Variants in LRRC8B observed in about 807,000 individuals in gnomAD.
LRRC8B encodes volume-regulated anion channel subunit LRRC8B.
Under a neutral mutation model 58.8 loss-of-function variants are expected in LRRC8B, and 23 were observed. The ratio of observed to expected loss-of-function variants is 0.39; its 90% CI spans 0.28 to 0.55. LRRC8B has a LOEUF of 0.55. Ranked by LOEUF, LRRC8B falls within the 20% of genes least tolerant of loss-of-function variation. The probability of loss-of-function intolerance (pLI) is 0.62; values close to 1 mark genes in which losing one functional copy is unlikely to be tolerated. For synonymous variants in LRRC8B, 359 were observed against 374.1 expected, an observed-to-expected ratio of 0.96 and a Z score of 0.47; for missense variants, 694 against 936.0, an observed-to-expected ratio of 0.74 and a Z score of 3.37.
At chr1:89,535,700 AAG>A (rs1000980049) in intron 1 of LRRC8B, among the ~76,000 whole-genome samples, 5 of 152,172 alleles carry the variant, frequency 3.3e-5, no homozygotes, top group African/African-American at 1.2e-4. Context: ...TAGATACAAA[AAG>A]AACATTAGTT....
intron 1 of LRRC8B, among the ~76,000 whole-genome samples, chr1:89,525,540 G>C (rs1471568537): frequency 6.6e-6 from 1 of 152,212 alleles, no homozygotes; most frequent in East Asian, 1.9e-4. Flanking sequence ...GATACGCGTT[G>C]GTTGCCTATA....
intron 3 of LRRC8B, among the ~76,000 whole-genome samples, chr1:89,569,796 T>C (rs1290234125): frequency 6.6e-6 from 1 of 152,148 alleles, no homozygotes; most frequent in Non-Finnish European, 1.5e-5. Context: ...TGGTACATAT[T>C]ATTTTATCAA....
At chr1:89,529,823 C>T (rs1448301161) in intron 1 of LRRC8B, among the ~76,000 whole-genome samples, 1 of 152,166 alleles carries the variant, frequency 6.6e-6, no homozygotes, top group Non-Finnish European at 1.5e-5. Context: ...GACCCACTCT[C>T]AGAAGCTAAA....
intron 3 of LRRC8B, among the ~76,000 whole-genome samples, chr1:89,577,873 G>T (rs546393690): frequency 1.2e-3 from 185 of 151,114 alleles, no homozygotes; most frequent in African/African-American, 4.2e-3. Flanking sequence ...TGGATGAGTT[G>T]GGAAAGAGCG....
At chr1:89,571,060 A>G (rs1004976206) in intron 3 of LRRC8B, among the ~76,000 whole-genome samples, 1 of 152,066 alleles carries the variant, frequency 6.6e-6, no homozygotes, top group Non-Finnish European at 1.5e-5. Context: ...ATTCTGTGCC[A>G]TTGGTCTATG....
chr1:89,597,626 A>G lies in LRRC8B; in HGVS notation c.*4583A>G, dbSNP rs1329085647. 6.6e-6 allele frequency: 1 copy of G among 152,174 alleles called. No individual in the cohort carries two copies. The highest frequency in any genetic ancestry group is 2.4e-5 in the African/African-American group (1 of 41,442). The allele number at this position is 152,174 out of a possible 1,614,324, so 9.4% of individuals were successfully genotyped here. A position where few individuals can be genotyped will look rare whatever the true frequency, so the allele number is the denominator to read the frequency against. On this transcript the variant is annotated 3_prime_UTR_variant, in exon 6 of 6. Transcript: ENST00000330947. ...AGCTAGCATTTGTTAACCTTCACAT[A>G]TTTATCTGTGTACAATTGTTTTTGC... is the stretch of plus-strand genomic sequence containing the variant.
At chr1:89,584,992 C>T (rs973780460) in intron 5 of LRRC8B, among the ~76,000 whole-genome samples, 1 of 152,160 alleles carries the variant, frequency 6.6e-6, no homozygotes, top group African/African-American at 2.4e-5. Context: ...AACATAAAAG[C>T]ATTTGGCACA....
At chr1:89,546,011 G>A (rs981728421) in intron 1 of LRRC8B, among the ~76,000 whole-genome samples, 4 of 151,874 alleles carry the variant, frequency 2.6e-5, no homozygotes, top group African/African-American at 9.7e-5. Flanking sequence ...GGTATATGGG[G>A]GACCCTTATA....
chr1:89,535,438 G>C (rs1243439869), intron 1 of LRRC8B, among the ~76,000 whole-genome samples: 1 of 152,170 alleles, frequency 6.6e-6, no homozygotes, highest in Non-Finnish European at 1.5e-5. Context: ...CTACTCAGGA[G>C]ACTGAGGTGG....
intron 1 of LRRC8B, among the ~76,000 whole-genome samples, chr1:89,541,518 C>T (rs979815412): frequency 6.6e-6 from 1 of 151,032 alleles, no homozygotes; most frequent in Non-Finnish European, 1.5e-5. Context: ...GAGACCATCC[C>T]GGCTAAAACG....
chr1:89,541,381 G>A (rs1650954919), intron 1 of LRRC8B, among the ~76,000 whole-genome samples: 1 of 152,182 alleles, frequency 6.6e-6, no homozygotes, highest in Non-Finnish European at 1.5e-5. Context: ...ATAGAAAGTA[G>A]ACCAGGTAGA....
At chr1:89,573,641 T>A (rs1653630305) in intron 3 of LRRC8B, among the ~76,000 whole-genome samples, 1 of 152,224 alleles carries the variant, frequency 6.6e-6, no homozygotes, top group African/African-American at 2.4e-5. Context: ...TTCTGATTTT[T>A]GTGTTCCAGA....
At position 89,594,160 on chromosome 1, in the gene LRRC8B, C is replaced by A. The variant is rs2101120420; in HGVS notation, c.*1117C>A. ...TCTTGGATTCAACATCTGTGAGGATCATTTTTGTAAGATACATAGAATTTG... is the reference window on the plus strand; with the variant it reads ...TCTTGGATTCAACATCTGTGAGGATAATTTTTGTAAGATACATAGAATTTG... On this transcript the variant is annotated 3_prime_UTR_variant, in exon 6 of 6. Transcript: ENST00000330947. 6.6e-6 allele frequency: 1 copy of A among 152,222 alleles called. No individual in the cohort carries two copies. The highest frequency in any genetic ancestry group is 1.9e-4 in the East Asian group (1 of 5,188). The allele number at this position is 152,222 out of a possible 1,614,324, so 9.4% of individuals were successfully genotyped here.
intron 3 of LRRC8B, among the ~76,000 whole-genome samples, chr1:89,568,969 T>G (rs1653235142): frequency 6.6e-6 from 1 of 152,226 alleles, no homozygotes; most frequent in Non-Finnish European, 1.5e-5. Context: ...ACAAGCCCTA[T>G]ACTCTGTTGC....
intron 3 of LRRC8B, among the ~76,000 whole-genome samples, chr1:89,568,925 C>T (rs1274789480): frequency 6.6e-6 from 1 of 152,112 alleles, no homozygotes; most frequent in African/African-American, 2.4e-5. Flanking sequence ...TAAAAGATGG[C>T]CATACTTTCT....
intron 1 of LRRC8B, among the ~76,000 whole-genome samples, chr1:89,565,963 G>A (rs1169513693): frequency 2.0e-5 from 3 of 152,178 alleles, no homozygotes; most frequent in African/African-American, 7.2e-5. Context: ...ATAGACTCAT[G>A]ATATTTTCTT....
intron 5 of LRRC8B, among the ~76,000 whole-genome samples, chr1:89,588,733 G>A (rs1367797168): frequency 1.3e-5 from 2 of 152,162 alleles, no homozygotes; most frequent in Non-Finnish European, 2.9e-5. Flanking sequence ...AAAACCCCAT[G>A]GAAAGGTTGA....
intron 5 of LRRC8B, 116 bp from the exon 6 acceptor site, chr1:89,592,655 A>G (rs1655054743): frequency 3.5e-6 from 3 of 848,142 alleles, no homozygotes; most frequent in East Asian, 4.9e-5. Context: ...TGTAGTCTGC[A>G]TCACTTATAA....
In LRRC8B at chr1:89,582,726, G is replaced by T; in HGVS notation, c.76G>T (p.Val26Phe). The change falls in exon 5 of 6, where the codon GTC becomes TTC. Residue 26 changes from valine (V) to phenylalanine (F), a missense_variant. Physicochemically the swap from Val to Phe is conservative, Grantham distance 50. Coordinates refer to ENST00000330947, the MANE Select transcript of LRRC8B (RefSeq NM_001369817.2). ...SYHILKPWWD[V>F]FWYYITLIML... The stretch of plus-strand genomic sequence containing the variant: ...TCACATCTTAAAACCATGGTGGGAC[G>T]TCTTCTGGTATTACATCACACTGAT... The T allele has an allele frequency of 6.2e-7, 1 of 1,614,196 alleles. No homozygotes were observed. The highest frequency in any genetic ancestry group is 8.5e-7 in the Non-Finnish European group (1 of 1,180,028).
Sources: gnomAD v4.1 joint callset for allele counts (sites outside exome capture counted in the v4.1 genomes callset) on GRCh38, gnomAD v4.1.1 for gene constraint, MANE v1.5 for transcripts, NCBI Gene and HGNC (gene_info 2026-07-23, HGNC 2026-07-21) for gene names.